TRDN: variants seen among roughly 807,000 people sequenced by gnomAD.
The protein encoded by TRDN is triadin, also known as triadin in skeletal muscle.
A neutral mutation model predicts 149.7 loss-of-function variants in TRDN; 161 were observed. The ratio of observed to expected loss-of-function variants is 1.08; its 90% CI spans 0.95 to 1.23. TRDN has a LOEUF of 1.23. TRDN is among the 50% of genes most tolerant of loss of function. The pLI is 0.00. For synonymous variants in TRDN, 294 were observed against 250.5 expected (o/e 1.17, Z -1.64); for missense variants, 896 against 823.5 (o/e 1.09, Z -1.08).
At chr6:123,222,636 A>C (rs1459297538) in intron 39 of TRDN, among the ~76,000 whole-genome samples, 1 of 151,842 alleles carries the variant, frequency 6.6e-6, no homozygotes, top group East Asian at 1.9e-4. Context: ...GGCACTGGCA[A>C]AGAATTTATA....
intron 1 of TRDN, among the ~76,000 whole-genome samples, chr6:123,620,841 A>G (rs1195941196): frequency 6.6e-6 from 1 of 152,146 alleles, no homozygotes; most frequent in Non-Finnish European, 1.5e-5. Flanking sequence ...GCAATATTCT[A>G]ATAAAGCCAG....
chr6:123,277,376 T>C (rs973657280), intron 26 of TRDN, among the ~76,000 whole-genome samples: 3 of 152,148 alleles, frequency 2.0e-5, no homozygotes, highest in Admixed American at 2.0e-4. Context: ...AGCCAGAGAA[T>C]GGACTGTTAT....
chr6:123,403,186 G>C (rs1473578447), intron 12 of TRDN, among the ~76,000 whole-genome samples: 1 of 152,110 alleles, frequency 6.6e-6, no homozygotes. Flanking sequence ...TTTCAACAAG[G>C]CCAGGGAAAA....
rs192236887 is a variant in TRDN at position 123,371,510 on chromosome 6, A to G, written c.1273+4095T>C. Among the ~76,000 whole-genome samples, 695 of 152,302 alleles carry G rather than the reference A, an allele frequency of 4.6e-3. 3 individuals carry two copies. Among genetic ancestry groups the G allele is most frequent in the Non-Finnish European group, 6.2e-3 (419 of 68,014 alleles). ...ACACATAGTCCTGATCTCAATAGCC[A>G]TGCTTTATAGTGCCATGTTGCTGTG... On this transcript the variant is annotated intron_variant, in intron 19 of 40. Transcript: ENST00000334268.
chr6:123,520,737 G>A (rs1315036683), intron 5 of TRDN, among the ~76,000 whole-genome samples: 1 of 152,040 alleles, frequency 6.6e-6, no homozygotes, highest in South Asian at 2.1e-4. Context: ...TTCTCCTGGG[G>A]CTACATAGCC....
chr6:123,354,869 A>T (rs924272310), intron 20 of TRDN, among the ~76,000 whole-genome samples: 1 of 151,654 alleles, frequency 6.6e-6, no homozygotes, highest in African/African-American at 2.4e-5. Context: ...GCCTAATTTA[A>T]TTAATATATT....
intron 7 of TRDN, among the ~76,000 whole-genome samples, chr6:123,511,710 C>T (rs892430469): frequency 2.0e-5 from 3 of 152,090 alleles, no homozygotes; most frequent in Non-Finnish European, 4.4e-5. Flanking sequence ...GAATTCTCTG[C>T]TTAGGGCCCA....
chr6:123,225,034 A>T (rs1360997884), intron 38 of TRDN, among the ~76,000 whole-genome samples: 1 of 151,806 alleles, frequency 6.6e-6, no homozygotes, highest in Non-Finnish European at 1.5e-5. Context: ...AATATATAAG[A>T]CATTGATACA....
intron 10 of TRDN, among the ~76,000 whole-genome samples, chr6:123,463,609 T>C (rs1283048211): frequency 6.6e-6 from 1 of 151,958 alleles, no homozygotes; most frequent in African/African-American, 2.4e-5. Flanking sequence ...AGAATTAGAA[T>C]CCCATGAAAA....
At chr6:123,235,221 C>T (rs1463106020) in intron 38 of TRDN, among the ~76,000 whole-genome samples, 4 of 151,984 alleles carry the variant, frequency 2.6e-5, no homozygotes, top group Non-Finnish European at 4.4e-5. Context: ...CTCAGATAGC[C>T]AATAGGTATT....
At chr6:123,568,208 G>A (rs1003072457) in intron 2 of TRDN, among the ~76,000 whole-genome samples, 1 of 152,218 alleles carries the variant, frequency 6.6e-6, no homozygotes, top group Non-Finnish European at 1.5e-5. Context: ...ACACTGATAT[G>A]AGGGGTGGGG....
chr6:123,229,545 C>A (rs941161749), intron 38 of TRDN, among the ~76,000 whole-genome samples: 2 of 151,920 alleles, frequency 1.3e-5, no homozygotes, highest in African/African-American at 4.8e-5. Flanking sequence ...TTACTTATCT[C>A]CAATACTGTT....
chr6:123,426,897 A>G (rs1160055737), intron 12 of TRDN, among the ~76,000 whole-genome samples: 1 of 152,134 alleles, frequency 6.6e-6, no homozygotes, highest in Non-Finnish European at 1.5e-5. Context: ...TTAACTACTT[A>G]CAACAAACAA....
chr6:123,288,592 A>T (rs1398884212), intron 24 of TRDN, among the ~76,000 whole-genome samples: 1 of 152,156 alleles, frequency 6.6e-6, no homozygotes, highest in Admixed American at 6.6e-5. Flanking sequence ...ACTTCTCAAA[A>T]GAAAATATAT....
intron 10 of TRDN, chr6:123,456,687 T>C: frequency 2.6e-6 from 1 of 391,260 alleles, no homozygotes; most frequent in Non-Finnish European, 5.1e-6. Flanking sequence ...CAGGCTGGTC[T>C]CTAACTCCTG....
chr6:123,352,407 C>T (rs1042184245), intron 21 of TRDN, 132 bp downstream of exon 21: 1 of 1,395,900 alleles, frequency 7.2e-7, no homozygotes, highest in Non-Finnish European at 9.3e-7. Flanking sequence ...CACAGAAAAA[C>T]ATGCAAGGAC....
rs1000319737 is a variant in TRDN at position 123,442,581 on chromosome 6, C to T, written c.932-3578G>A. 2.1e-5 allele frequency among the ~76,000 whole-genome samples: 3 copies of T among 146,206 alleles called. 1 individual carries two copies. The highest frequency in any genetic ancestry group is 7.5e-5 in the African/African-American group (3 of 40,244). ...AAAAAAGAAAAAAAAAAAAAGTCTA[C>T]CTTGCTTACTTGTGAGAAATGGAGA... is the stretch of plus-strand genomic sequence containing the variant. On this transcript the variant is annotated intron_variant, in intron 10 of 40. Transcript: ENST00000334268.
chr6:123,548,353 C>T (rs986913106), intron 3 of TRDN, 101 bp downstream of exon 3: 58 of 995,258 alleles, frequency 5.8e-5, no homozygotes, highest in South Asian at 8.8e-5. Flanking sequence ...TTTGGTTTAG[C>T]TTGACCCAAG....
At position 123,366,195 on chromosome 6, in the gene TRDN, A is replaced by G. The variant is rs1478303073; in HGVS notation, c.1274-13T>C. 1 of 1,612,414 alleles carries G rather than the reference A, an allele frequency of 6.2e-7. No homozygotes were observed. On this transcript the variant is annotated splice_polypyrimidine_tract_variant and intron_variant, in intron 19 of 40. Transcript: ENST00000334268. ...GCTCGTTCAGTTTCTGCAAGTTCAGATATTAAAGGAATGAGAAGTGGATAT... is the reference window on the plus strand; with the variant it reads ...GCTCGTTCAGTTTCTGCAAGTTCAGGTATTAAAGGAATGAGAAGTGGATAT...
Sources: allele counts gnomAD v4.1 joint callset (sites outside exome capture counted in the v4.1 genomes callset), GRCh38; gene constraint gnomAD v4.1.1; transcripts MANE v1.5; gene names NCBI Gene and HGNC (gene_info 2026-07-23, HGNC 2026-07-21).